ZNF559: variants seen among roughly 807,000 people sequenced by gnomAD.
ZNF559 encodes the protein putative protein product of Nbla00121.
In ZNF559, 17 loss-of-function variants were observed where a neutral mutation model predicts 14.2. The observed-to-expected ratio is 1.20, with a 90% CI of 0.82 to 1.80. The LOEUF (loss-of-function observed/expected upper bound fraction) is 1.80, where lower values mean the gene tolerates loss of function less well. Ranked by LOEUF, ZNF559 falls within the 40% of genes most tolerant of loss-of-function variation. The pLI is 0.00. For synonymous variants in ZNF559, 244 were observed against 212.4 expected (o/e 1.15, Z -1.29); for missense variants, 740 against 629.7 (o/e 1.18, Z -1.88).
At position 9,345,059 on chromosome 19, in the gene ZNF559, TTAGAA is replaced by T. The variant is rs2067700625; in HGVS notation, c.*1996_*2000del. The T allele has an allele frequency of 6.6e-6, 1 of 152,210 alleles. No individual in the cohort carries two copies. The highest frequency in any genetic ancestry group is 1.5e-5 in the Non-Finnish European group (1 of 68,034). The allele number at this position is 152,210 out of a possible 1,614,324, so 9.4% of individuals were successfully genotyped here. A position where few individuals can be genotyped will look rare whatever the true frequency, so the allele number is the denominator to read the frequency against. On this transcript the variant is annotated 3_prime_UTR_variant, in exon 7 of 7. Coordinates refer to ENST00000603380, the MANE Select transcript of ZNF559 (RefSeq NM_032497.3). Reference sequence around the variant, plus strand: ...TCCTGATCCACTGATTTGCTTTCTCTTAGAATAGACGACTTTATATTATGTACAGT... The same window carrying T: ...TCCTGATCCACTGATTTGCTTTCTCTTAGACGACTTTATATTATGTACAGT...
At chr19:9,324,618 A>AC (rs35401044) in intron 1 of ZNF559, 77 bp from the exon 2 acceptor site, 23,201 of 706,732 alleles carry the variant, frequency 0.033, 360 homozygotes, top group African/African-American at 0.11. Flanking sequence ...ACATAGGGAG[A>AC]CCCCCCCCCC....
At chr19:9,337,419 A>G (rs1386694286) in intron 2 of ZNF559, among the ~76,000 whole-genome samples, 1 of 152,238 alleles carries the variant, frequency 6.6e-6, no homozygotes, top group Non-Finnish European at 1.5e-5. Flanking sequence ...TCCTGAAGAC[A>G]GATCTTTCTC....
At chr19:9,327,274 GTCTCAC>G (rs1324205424) in intron 2 of ZNF559, among the ~76,000 whole-genome samples, 3 of 112,198 alleles carry the variant, frequency 2.7e-5, no homozygotes, top group African/African-American at 6.5e-5. Flanking sequence ...TTTTGACGGA[GTCTCAC>G]TCTGCCGCCC....
chr19:9,338,247 G>T (rs1304477818), intron 3 of ZNF559, among the ~76,000 whole-genome samples: 4 of 152,128 alleles, frequency 2.6e-5, no homozygotes, highest in Non-Finnish European at 5.9e-5. Context: ...TTTCTTTTTT[G>T]GCAAATAAGG....
In ZNF559 at chr19:9,341,891, C is replaced by T. The variant is rs1017094367; in HGVS notation, c.440C>T (p.Pro147Leu). The change falls in exon 7 of 7, where the codon CCT (proline) becomes CTT (leucine). Residue 147 changes from proline (P) to leucine (L), a missense_variant. By Grantham distance (98) the Pro-to-Leu change is moderately conservative (BLOSUM62 -3). Coordinates refer to ENST00000603380, the MANE Select transcript of ZNF559 (RefSeq NM_032497.3). ...AAAACTGATATCGGAGAGGAACTTCCTAACTGTAATCAATGTGAAACAGCC... is the reference window on the plus strand; with the variant it reads ...AAAACTGATATCGGAGAGGAACTTCTTAACTGTAATCAATGTGAAACAGCC... ...HKKTDIGEELPNCNQCETAFS... is the reference protein window; with the variant it reads ...HKKTDIGEELLNCNQCETAFS... 3.1e-6 allele frequency: 5 copies of T among 1,610,758 alleles called. No homozygotes were observed. The highest frequency in any genetic ancestry group is 4.2e-6 in the Non-Finnish European group (5 of 1,179,212).
chr19:9,342,322 A>AG lies in ZNF559; in HGVS notation c.872dup (p.Thr292AsnfsTer2), dbSNP rs776490046. 1.2e-6 allele frequency: 2 copies of AG among 1,600,700 alleles called. No homozygotes were observed. The highest frequency in any genetic ancestry group is 2.3e-5 in the South Asian group (2 of 88,572). On this transcript the variant is annotated frameshift_variant, in exon 7 of 7. Coordinates refer to ENST00000603380, the MANE Select transcript of ZNF559 (RefSeq NM_032497.3). LOFTEE classifies it low-confidence loss of function (END_TRUNC). ...AGATCTTGCTAAACATATAAGACTT[A>AG]GAACTAGAGGAAAACACTATGTTTG...
chr19:9,335,176 A>G (rs1047525831), intron 2 of ZNF559, among the ~76,000 whole-genome samples: 2 of 150,476 alleles, frequency 1.3e-5, no homozygotes, highest in Admixed American at 6.6e-5. Flanking sequence ...GGTGGCTCAC[A>G]CCGGTAATCC....
chr19:9,329,060 C>T (rs1219851163), intron 2 of ZNF559, among the ~76,000 whole-genome samples: 1 of 147,320 alleles, frequency 6.8e-6, no homozygotes, highest in Non-Finnish European at 1.5e-5. Flanking sequence ...GGTGACTGTG[C>T]AGCTGTGTTT....
In ZNF559 at chr19:9,343,261, C is replaced by A; in HGVS notation, c.*193C>A. On this transcript the variant is annotated 3_prime_UTR_variant, in exon 7 of 7. Coordinates refer to ENST00000603380, the MANE Select transcript of ZNF559 (RefSeq NM_032497.3). ...AAGGAATGTGGGAAAATCTTGGCTC[C>A]TTCCATAGGCCTTACTATTCATGTG... The A allele has an allele frequency of 7.1e-7, 1 of 1,402,430 alleles. No individual in the cohort carries two copies. 86.9% of individuals were successfully genotyped at this position (1,402,430 alleles called of 1,614,324 possible).
At chr19:9,326,891 T>C (rs990156527) in intron 2 of ZNF559, among the ~76,000 whole-genome samples, 2 of 152,214 alleles carry the variant, frequency 1.3e-5, no homozygotes, top group Non-Finnish European at 2.9e-5. Context: ...CCAAACATAC[T>C]TAAAAGTTTT....
Position 9,324,214 on chromosome 19 carries a change from C to A in ZNF559, c.-220C>A. ...CGGCCGCCATCTTAACAGCGCGTTC[C>A]CGTTGGCGTCTGAGGTAAGTTTTTG... On this transcript the variant is annotated 5_prime_UTR_variant, in exon 1 of 7. Transcript: ENST00000603380. 1 of 1,536,110 alleles carries A rather than the reference C, an allele frequency of 6.5e-7. No homozygotes were observed. The highest frequency in any genetic ancestry group is 8.7e-7 in the Non-Finnish European group (1 of 1,146,886).
chr19:9,326,289 T>C (rs903271058), intron 2 of ZNF559, among the ~76,000 whole-genome samples: 1 of 152,018 alleles, frequency 6.6e-6, no homozygotes, highest in African/African-American at 2.4e-5. Flanking sequence ...GTATTTTTAG[T>C]AGAGACAGGG....
At chr19:9,329,621 C>A (rs2066829180) in intron 2 of ZNF559, among the ~76,000 whole-genome samples, 1 of 152,134 alleles carries the variant, frequency 6.6e-6, no homozygotes, top group Admixed American at 6.5e-5. Context: ...GTCTGTGCCC[C>A]TTAAAATTAA....
chr19:9,327,449 A>G (rs1259777806), intron 2 of ZNF559, among the ~76,000 whole-genome samples: 1 of 152,090 alleles, frequency 6.6e-6, no homozygotes, highest in Non-Finnish European at 1.5e-5. Context: ...GGTTTCACCC[A>G]TGTTGGTCAG....
At chr19:9,339,072 C>T in intron 4 of ZNF559, 121 bp from the exon 5 acceptor site, 1 of 1,356,234 alleles carries the variant, frequency 7.4e-7, no homozygotes, top group South Asian at 1.3e-5. Context: ...AAAGTGAGGA[C>T]CATCAAGTGA....
At chr19:9,324,637 T>G in intron 1 of ZNF559, 58 bp from the exon 2 acceptor site, 65 of 1,021,592 alleles carry the variant, frequency 6.4e-5, no homozygotes, top group Middle Eastern at 2.6e-4. Flanking sequence ...CCCAACCATC[T>G]CTAATGGAAA....
chr19:9,343,144 G>A lies in ZNF559; in HGVS notation c.*76G>A. 6.5e-7 allele frequency: 1 copy of A among 1,537,096 alleles called. No homozygotes were observed. Among genetic ancestry groups the A allele is most frequent in the Non-Finnish European group, 8.7e-7 (1 of 1,149,622 alleles). On this transcript the variant is annotated 3_prime_UTR_variant, in exon 7 of 7. Transcript: ENST00000603380. ...CTTACTGAACATGTACTCATTCATA[G>A]TGGCAATGTACACAGTCATAAGGAA...
chr19:9,332,598 G>A (rs542377174), intron 2 of ZNF559, among the ~76,000 whole-genome samples: 2 of 152,250 alleles, frequency 1.3e-5, no homozygotes, highest in Admixed American at 6.5e-5. Flanking sequence ...CTAATATTAG[G>A]TGAAGGCTTG....
Position 9,342,661 on chromosome 19 carries a change from C to G in ZNF559, c.1210C>G (p.Pro404Ala). ...SSFKSHMQTHPGVKPYDCQQC... is the reference protein window; with the variant it reads ...SSFKSHMQTHAGVKPYDCQQC... The stretch of plus-strand genomic sequence containing the variant: ...CTTTAAAAGTCACATGCAGACTCAT[C>G]CTGGTGTAAAACCCTATGACTGTCA... The change falls in exon 7 of 7, where the codon CCT (proline) becomes GCT (alanine). Residue 404 changes from proline (P) to alanine (A), a missense_variant. Coordinates refer to ENST00000603380, the MANE Select transcript of ZNF559 (RefSeq NM_032497.3). 6.2e-7 allele frequency: 1 copy of G among 1,613,972 alleles called. No individual in the cohort carries two copies. The highest frequency in any genetic ancestry group is 8.5e-7 in the Non-Finnish European group (1 of 1,179,984).
Sources: allele counts gnomAD v4.1 joint callset (sites outside exome capture counted in the v4.1 genomes callset), GRCh38; gene constraint gnomAD v4.1.1; transcripts MANE v1.5; gene names NCBI Gene and HGNC (gene_info 2026-07-23, HGNC 2026-07-21).